DAAM1: variants seen among roughly 807,000 people sequenced by gnomAD.
The protein encoded by DAAM1 is disheveled-associated activator of morphogenesis 1.
In DAAM1, 52 loss-of-function variants were observed where a neutral mutation model predicts 130.0. The ratio of observed to expected loss-of-function variants is 0.40; its 90% CI spans 0.32 to 0.50. The LOEUF (loss-of-function observed/expected upper bound fraction) is 0.50. Ranked by LOEUF, DAAM1 falls within the 20% of genes least tolerant of loss-of-function variation. The pLI is 0.61. For missense variants in DAAM1, 1,134 were observed against 1,303.8 expected, an observed-to-expected ratio of 0.87 and a Z score of 2.01; for synonymous variants, 452 against 444.5, an observed-to-expected ratio of 1.02 and a Z score of -0.21.
At chr14:59,274,053 A>T (rs1350671335) in intron 2 of DAAM1, among the ~76,000 whole-genome samples, 4 of 152,200 alleles carry the variant, frequency 2.6e-5, no homozygotes, top group South Asian at 4.1e-4. Context: ...GGTGCGTGTT[A>T]CAAGAGCTCA....
intron 4 of DAAM1, 24 bp from the exon 5 acceptor site, chr14:59,320,466 G>T: frequency 1.3e-6 from 2 of 1,567,522 alleles, no homozygotes; most frequent in Non-Finnish European, 1.7e-6. Context: ...ATTTGAAGAA[G>T]TAACTTCTGT....
chr14:59,225,838 G>A (rs1447982271), intron 1 of DAAM1, among the ~76,000 whole-genome samples: 1 of 152,172 alleles, frequency 6.6e-6, no homozygotes, highest in Non-Finnish European at 1.5e-5. Flanking sequence ...AGGAGAAATA[G>A]TACATGGAAT....
chr14:59,218,877 C>T (rs1426519932), intron 1 of DAAM1, among the ~76,000 whole-genome samples: 1 of 152,096 alleles, frequency 6.6e-6, no homozygotes, highest in Non-Finnish European at 1.5e-5. Flanking sequence ...ATTCCCTTCC[C>T]CCGGCCCTCC....
At chr14:59,359,543 T>G (rs766251308) in intron 21 of DAAM1, 39 bp downstream of exon 21, 2 of 1,511,124 alleles carry the variant, frequency 1.3e-6, no homozygotes, top group South Asian at 2.3e-5. Context: ...TTAAATCACT[T>G]GGATTGTGTG....
chr14:59,239,278 T>C (rs911410503), intron 1 of DAAM1, among the ~76,000 whole-genome samples: 4 of 152,354 alleles, frequency 2.6e-5, no homozygotes, highest in Admixed American at 6.5e-5. Flanking sequence ...TAATCCAACC[T>C]ATAATTAGGA....
intron 1 of DAAM1, among the ~76,000 whole-genome samples, chr14:59,249,659 C>A (rs901447496): frequency 1.3e-5 from 2 of 152,136 alleles, no homozygotes; most frequent in Admixed American, 6.5e-5. Flanking sequence ...ATCTCTTTCC[C>A]CTTGTAAATT....
At chr14:59,340,299 C>A in intron 16 of DAAM1, 119 bp downstream of exon 16, 1 of 871,700 alleles carries the variant, frequency 1.1e-6, no homozygotes, top group Non-Finnish European at 1.8e-6. Context: ...TTCTTTGGAT[C>A]CCCTTCTGTT....
intron 3 of DAAM1, among the ~76,000 whole-genome samples, chr14:59,292,516 T>A (rs970246758): frequency 3.9e-5 from 6 of 152,194 alleles, no homozygotes; most frequent in African/African-American, 1.2e-4. Context: ...ACTTTATGCC[T>A]CTGATGAAGA....
Position 59,368,792 on chromosome 14 carries a change from G to C in DAAM1, c.3140G>C (p.Arg1047Pro). 1 of 1,613,930 alleles carries C rather than the reference G, an allele frequency of 6.2e-7. No individual in the cohort carries two copies. The highest frequency in any genetic ancestry group is 8.5e-7 in the Non-Finnish European group (1 of 1,179,916). The change falls in exon 25 of 25, where the codon CGC becomes CCC. Residue 1047 changes from arginine to proline, a missense_variant. By Grantham distance (103) the Arg-to-Pro change is moderately radical (BLOSUM62 -2). This residue lies in a region of DAAM1 where 644 missense variants were observed against 695.9 expected (regional missense o/e 0.93). Coordinates refer to ENST00000360909, the MANE Select transcript of DAAM1 (RefSeq NM_001270520.2). ...DKDLSKLKRN[R>P]KRITNQMTDS... ...GACCTTTCTAAATTGAAACGGAATC[G>C]CAAACGTATTACCAACCAGATGACT...
intron 3 of DAAM1, among the ~76,000 whole-genome samples, chr14:59,293,874 A>T (rs944256778): frequency 6.6e-6 from 1 of 152,192 alleles, no homozygotes; most frequent in African/African-American, 2.4e-5. Context: ...CTTGAAGGAC[A>T]GGTTGCCCAT....
At chr14:59,368,509 C>T in intron 24 of DAAM1, 141 bp from the exon 25 acceptor site, 1 of 833,234 alleles carries the variant, frequency 1.2e-6, no homozygotes, top group Non-Finnish European at 1.8e-6. Context: ...TTCCCCCTTT[C>T]TTGTGATATC....
At chr14:59,326,479 G>T (rs1885208557) in intron 10 of DAAM1, 31 bp from the exon 11 acceptor site, 1 of 1,556,770 alleles carries the variant, frequency 6.4e-7, no homozygotes, top group East Asian at 2.3e-5. Context: ...ACAACTTGAA[G>T]ATTTTTTTTC....
At chr14:59,327,060 T>G (rs925688662) in intron 12 of DAAM1, 69 bp downstream of exon 12, 4 of 1,571,326 alleles carry the variant, frequency 2.5e-6, no homozygotes, top group Admixed American at 3.5e-5. Flanking sequence ...CCATATATTT[T>G]GGAAATTTAC....
intron 1 of DAAM1, among the ~76,000 whole-genome samples, chr14:59,218,963 A>G: frequency 6.6e-6 from 1 of 152,218 alleles, no homozygotes; most frequent in East Asian, 1.9e-4. Flanking sequence ...AAGCCATATG[A>G]CGGACACATA....
chr14:59,344,318 T>G (rs977962617), intron 16 of DAAM1, among the ~76,000 whole-genome samples: 4 of 152,212 alleles, frequency 2.6e-5, no homozygotes, highest in Non-Finnish European at 4.4e-5. Context: ...TCTTGGCAAA[T>G]TTTTGAAATA....
chr14:59,226,346 G>T (rs1888943162), intron 1 of DAAM1, among the ~76,000 whole-genome samples: 1 of 152,062 alleles, frequency 6.6e-6, no homozygotes, highest in South Asian at 2.1e-4. Flanking sequence ...TATTTTGGTT[G>T]CAAGCAAGAG....
intron 1 of DAAM1, among the ~76,000 whole-genome samples, chr14:59,224,941 A>C (rs1348064246): frequency 6.6e-6 from 1 of 150,888 alleles, no homozygotes; most frequent in Non-Finnish European, 1.5e-5. Context: ...CATACCAGAC[A>C]TCGAGTATGC....
At chr14:59,236,894 A>G (rs1889321920) in intron 1 of DAAM1, among the ~76,000 whole-genome samples, 1 of 152,168 alleles carries the variant, frequency 6.6e-6, no homozygotes, top group South Asian at 2.1e-4. Flanking sequence ...AGCAGGGATC[A>G]GCAATTTTTT....
chr14:59,295,097 T>G (rs1883904566), intron 3 of DAAM1, among the ~76,000 whole-genome samples: 2 of 152,206 alleles, frequency 1.3e-5, no homozygotes, highest in African/African-American at 2.4e-5. Flanking sequence ...ATATAGACAC[T>G]GCTAGCTGTG....
Sources: allele counts gnomAD v4.1 joint callset (sites outside exome capture counted in the v4.1 genomes callset), GRCh38; gene constraint gnomAD v4.1.1; regional missense constraint gnomAD v4.1.1; transcripts MANE v1.5; gene names NCBI Gene and HGNC (gene_info 2026-07-23, HGNC 2026-07-21).